The following TRIM61 variants were observed in gnomAD, a reference collection of about 807,000 sequenced individuals.
TRIM61 encodes tripartite motif containing 61, also known as putative tripartite motif-containing protein 61.
A neutral mutation model predicts 14.2 loss-of-function variants in TRIM61; 1 was observed. The ratio of observed to expected loss-of-function variants is 0.07; its 90% CI spans 0.03 to 0.33. The LOEUF (loss-of-function observed/expected upper bound fraction) is 0.33, where lower values mean the gene tolerates loss of function less well. Ranked by LOEUF, TRIM61 falls within the 10% of genes least tolerant of loss-of-function variation. The pLI is 0.99. For synonymous variants in TRIM61, 8 were observed against 71.6 expected, an observed-to-expected ratio of 0.11 and a Z score of 4.49; for missense variants, 19 against 202.2, an observed-to-expected ratio of 0.09 and a Z score of 5.49.
At chr4:164,975,636 A>ATCGCCAT (rs1681028804) in intron 2 of TRIM61, among the ~76,000 whole-genome samples, 1 of 152,228 alleles carries the variant, frequency 6.6e-6, no homozygotes, top group Non-Finnish European at 1.5e-5. Context: ...GGTAAAAGTC[A>ATCGCCAT]TCGCCATTCT....
At chr4:164,970,936 C>A (rs138123955) in intron 2 of TRIM61, among the ~76,000 whole-genome samples, 2 of 152,082 alleles carry the variant, frequency 1.3e-5, no homozygotes, top group East Asian at 3.9e-4. Flanking sequence ...CCTATCTCTA[C>A]TAAAGATACA....
intron 3 of TRIM61, among the ~76,000 whole-genome samples, chr4:164,960,406 A>G (rs920185376): frequency 1.1e-4 from 16 of 151,862 alleles, no homozygotes; most frequent in African/African-American, 3.4e-4. Flanking sequence ...AGAAAAAAAA[A>G]TAGGTAGGCA....
chr4:164,967,151 TAAA>T (rs1732260612), intron 3 of TRIM61, among the ~76,000 whole-genome samples: 2 of 152,108 alleles, frequency 1.3e-5, no homozygotes, highest in South Asian at 4.1e-4. Flanking sequence ...ATAATCAACA[TAAA>T]AAATTAAATA....
In TRIM61 at chr4:164,965,556, C is replaced by T. The variant is rs369577374; in HGVS notation, c.525+3922G>A. ...TCAAGTGATTCTCCTGCCTCAGCCT[C>T]CCGAGTAGCTGGGACTACAGGTGCA... On this transcript the variant is annotated intron_variant, in intron 3 of 4. Coordinates refer to ENST00000329314, the MANE Select transcript of TRIM61 (RefSeq NM_001012414.3). Among the ~76,000 whole-genome samples, 24 of 151,200 alleles carry T rather than the reference C, an allele frequency of 1.6e-4. 1 individual carries two copies. In the South Asian group the frequency reaches 5.1e-3, roughly 32 times the overall value.
At chr4:164,956,006 C>T (rs1579139606) in intron 3 of TRIM61, among the ~76,000 whole-genome samples, 2 of 152,268 alleles carry the variant, frequency 1.3e-5, no homozygotes, top group Non-Finnish European at 2.9e-5. Context: ...GAGAAATGAG[C>T]TTTTCTGGAA....
chr4:164,971,739 AC>A (rs1264274365), intron 2 of TRIM61, among the ~76,000 whole-genome samples: 1 of 152,108 alleles, frequency 6.6e-6, no homozygotes, highest in Non-Finnish European at 1.5e-5. Context: ...AGGCAGAAAA[AC>A]TTCCTGGCTT....
intron 3 of TRIM61, among the ~76,000 whole-genome samples, chr4:164,964,871 G>C (rs776207596): frequency 6.6e-6 from 1 of 152,144 alleles, no homozygotes; most frequent in Admixed American, 6.5e-5. Context: ...TGAGTTTATA[G>C]ATCCTCGAAT....
intron 3 of TRIM61, among the ~76,000 whole-genome samples, chr4:164,965,577 G>T (rs534778386): frequency 6.6e-6 from 1 of 151,454 alleles, no homozygotes; most frequent in South Asian, 2.1e-4. Context: ...GGGACTACAG[G>T]TGCATGCCAC....
chr4:164,960,103 A>G (rs1732100330), intron 3 of TRIM61, among the ~76,000 whole-genome samples: 1 of 152,210 alleles, frequency 6.6e-6, no homozygotes, highest in Admixed American at 6.5e-5. Context: ...GGAGTGATGC[A>G]TCTACTAGCC....
At chr4:164,964,275 G>A (rs1732193806) in intron 3 of TRIM61, among the ~76,000 whole-genome samples, 1 of 150,656 alleles carries the variant, frequency 6.6e-6, no homozygotes, top group Admixed American at 6.6e-5. Flanking sequence ...ATGAACCCGG[G>A]AGGCGAAGCT....
chr4:164,962,223 T>C (rs1732151875), intron 3 of TRIM61, among the ~76,000 whole-genome samples: 1 of 80,404 alleles, frequency 1.2e-5, no homozygotes, highest in Admixed American at 1.1e-4. Flanking sequence ...AGTTACTTCT[T>C]TTTTTTTTTT....
intron 3 of TRIM61, among the ~76,000 whole-genome samples, chr4:164,960,490 G>A (rs766959710): frequency 1.3e-5 from 2 of 151,780 alleles, no homozygotes; most frequent in Non-Finnish European, 2.9e-5. Flanking sequence ...AAGGAGTGGA[G>A]GTTGCAGTGA....
At chr4:164,956,672 A>G (rs1731996036) in intron 3 of TRIM61, among the ~76,000 whole-genome samples, 1 of 152,218 alleles carries the variant, frequency 6.6e-6, no homozygotes, top group Non-Finnish European at 1.5e-5. Context: ...AACCAGTTAT[A>G]AATAAGATTC....
chr4:164,955,568 C>CAAAA (rs10716862), intron 3 of TRIM61, among the ~76,000 whole-genome samples: 13 of 77,194 alleles, frequency 1.7e-4, no homozygotes, highest in South Asian at 4.8e-4. Context: ...GATTCAGTCT[C>CAAAA]AAAAAAAAAA....
intron 3 of TRIM61, among the ~76,000 whole-genome samples, chr4:164,966,718 G>T (rs1413827593): frequency 2.0e-5 from 3 of 152,142 alleles, no homozygotes; most frequent in Non-Finnish European, 4.4e-5. Flanking sequence ...ATCCAGACCA[G>T]CCTGGCCAAC....
At chr4:164,965,397 TCTATGTA>T (rs757183706) in intron 3 of TRIM61, among the ~76,000 whole-genome samples, 19 of 151,776 alleles carry the variant, frequency 1.3e-4, no homozygotes, top group Non-Finnish European at 2.1e-4. Flanking sequence ...CATGACCAAA[TCTATGTA>T]ATGTATTGAT....
chr4:164,967,270 C>G (rs1366343745), intron 3 of TRIM61, among the ~76,000 whole-genome samples: 6 of 152,296 alleles, frequency 3.9e-5, no homozygotes, highest in Admixed American at 3.3e-4. Flanking sequence ...ACTGTTATGT[C>G]TACTGACATG....
intron 3 of TRIM61, chr4:164,957,078 C>G (rs1732011324): frequency 5.2e-6 from 8 of 1,543,804 alleles, no homozygotes; most frequent in South Asian, 3.7e-5. Context: ...GGACCCAGCG[C>G]CTGGAGAGCC....
chr4:164,956,934 G>A (rs1732005177), intron 3 of TRIM61: 2 of 1,291,140 alleles, frequency 1.5e-6, no homozygotes, highest in East Asian at 5.1e-5. Flanking sequence ...GGGTGCGGCC[G>A]GCACCGTCTC....
Sources: allele counts gnomAD v4.1 joint callset (sites outside exome capture counted in the v4.1 genomes callset), GRCh38; gene constraint gnomAD v4.1.1; transcripts MANE v1.5; gene names NCBI Gene and HGNC (gene_info 2026-07-23, HGNC 2026-07-21).